PTPRM: variants seen among roughly 807,000 people sequenced by gnomAD.
PTPRM encodes the protein receptor-type tyrosine-protein phosphatase mu.
In PTPRM, 47 loss-of-function variants were observed where a neutral mutation model predicts 186.7. The observed-to-expected ratio is 0.25, with a 90% confidence interval of 0.20 to 0.32. The LOEUF (loss-of-function observed/expected upper bound fraction) is 0.32. Among genes scored for constraint, PTPRM ranks in the 10% least tolerant of loss-of-function variants. The pLI is 1.00. For missense variants in PTPRM, 1,494 were observed against 1,865.0 expected (o/e 0.80, Z 3.66); for synonymous variants, 668 against 674.9 (o/e 0.99, Z 0.16).
rs139743456 is a variant in PTPRM at position 7,879,300 on chromosome 18, T to A, written c.197-8806T>A. On this transcript the variant is annotated intron_variant, in intron 2 of 32. Transcript: ENST00000580170. ...GATTGATGGTCCTAAATCCATAAAG[T>A]TTACAGCCACTTCTGGTTGTTACTT... 9.5e-4 allele frequency among the ~76,000 whole-genome samples: 145 copies of A among 152,312 alleles called. 1 individual carries two copies. The highest frequency in any genetic ancestry group is 2.5e-3 in the African/African-American group (106 of 41,584).
At chr18:8,003,833 C>G (rs185992330) in intron 7 of PTPRM, among the ~76,000 whole-genome samples, 4 of 152,318 alleles carry the variant, frequency 2.6e-5, no homozygotes, top group Admixed American at 2.6e-4. Context: ...CTAGTGTTGC[C>G]TCTTGGCCTT....
intron 4 of PTPRM, among the ~76,000 whole-genome samples, chr18:7,920,187 A>G (rs1339387616): frequency 1.3e-5 from 2 of 152,106 alleles, no homozygotes; most frequent in Non-Finnish European, 2.9e-5. Context: ...CTCCATTTAC[A>G]TTCAATGTCA....
intron 1 of PTPRM, among the ~76,000 whole-genome samples, chr18:7,693,309 C>A (rs1265718918): frequency 6.6e-6 from 1 of 152,170 alleles, no homozygotes; most frequent in Non-Finnish European, 1.5e-5. Context: ...AAGAGCTGTT[C>A]TTATCCACTG....
At chr18:7,764,017 A>G (rs1011001947) in intron 1 of PTPRM, among the ~76,000 whole-genome samples, 31 of 151,870 alleles carry the variant, frequency 2.0e-4, no homozygotes, top group African/African-American at 7.5e-4. Flanking sequence ...TCTACCTAAG[A>G]TATCTCTTCT....
intron 1 of PTPRM, among the ~76,000 whole-genome samples, chr18:7,730,529 G>T (rs1221833352): frequency 6.6e-6 from 1 of 152,104 alleles, no homozygotes; most frequent in Non-Finnish European, 1.5e-5. Context: ...GTTACCTAAA[G>T]GCCAAATGAT....
At chr18:8,027,178 C>T (rs1328776365) in intron 7 of PTPRM, among the ~76,000 whole-genome samples, 1 of 152,164 alleles carries the variant, frequency 6.6e-6, no homozygotes, top group South Asian at 2.1e-4. Context: ...TAACAAAGAA[C>T]TATAAAATAC....
chr18:8,337,191 C>G (rs944924358), intron 22 of PTPRM, among the ~76,000 whole-genome samples: 1 of 151,990 alleles, frequency 6.6e-6, no homozygotes, highest in Non-Finnish European at 1.5e-5. Context: ...GTATGCATAG[C>G]TCAGTTTGAG....
chr18:8,163,826 G>C (rs975847848), intron 14 of PTPRM, among the ~76,000 whole-genome samples: 1 of 152,166 alleles, frequency 6.6e-6, no homozygotes, highest in African/African-American at 2.4e-5. Context: ...TAAATACCAT[G>C]TGTTCTATGA....
intron 2 of PTPRM, among the ~76,000 whole-genome samples, chr18:7,834,773 A>T (rs4798601): frequency 0.51 from 77,559 of 151,430 alleles, 22,007 homozygotes; most frequent in East Asian, 0.76. Context: ...TTTTTATTAC[A>T]ACTTCAATCC....
At chr18:8,040,222 T>C (rs929491858) in intron 7 of PTPRM, among the ~76,000 whole-genome samples, 94 of 152,278 alleles carry the variant, frequency 6.2e-4, no homozygotes, top group African/African-American at 2.2e-3. Flanking sequence ...CTACCACATA[T>C]CTATGCTTGT....
chr18:7,625,665 G>A (rs1158537522), intron 1 of PTPRM, among the ~76,000 whole-genome samples: 1 of 152,104 alleles, frequency 6.6e-6, no homozygotes, highest in Non-Finnish European at 1.5e-5. Context: ...CTCCTGAGTA[G>A]CTGGGATTAC....
chr18:7,819,960 GC>G (rs768455210), intron 2 of PTPRM, among the ~76,000 whole-genome samples: 1 of 152,354 alleles, frequency 6.6e-6, no homozygotes, highest in Non-Finnish European at 1.5e-5. Context: ...GCAGCCAGGA[GC>G]CATTGAAGTG....
At chr18:7,624,495 T>C (rs1329234377) in intron 1 of PTPRM, among the ~76,000 whole-genome samples, 1 of 150,342 alleles carries the variant, frequency 6.7e-6, no homozygotes, top group Non-Finnish European at 1.5e-5. Context: ...AGATTCTGCT[T>C]TTTTTTTTGG....
At chr18:7,803,705 T>C (rs910927023) in intron 2 of PTPRM, among the ~76,000 whole-genome samples, 8 of 152,124 alleles carry the variant, frequency 5.3e-5, no homozygotes, top group Non-Finnish European at 1.2e-4. Flanking sequence ...AAAAATGTGA[T>C]TGAATTTCAT....
intron 14 of PTPRM, among the ~76,000 whole-genome samples, chr18:8,219,565 G>C (rs1202273889): frequency 2.6e-5 from 4 of 152,162 alleles, no homozygotes; most frequent in Non-Finnish European, 5.9e-5. Flanking sequence ...TCAGATTACA[G>C]TTTTCTACAT....
intron 23 of PTPRM, chr18:8,366,947 A>G (rs1156512628): frequency 2.6e-5 from 4 of 152,224 alleles, no homozygotes; most frequent in Non-Finnish European, 5.9e-5. Context: ...GCGCACGATC[A>G]GAGCAGGGAC....
chr18:8,226,836 A>G (rs1349834106), intron 14 of PTPRM, among the ~76,000 whole-genome samples: 1 of 152,184 alleles, frequency 6.6e-6, no homozygotes, highest in Non-Finnish European at 1.5e-5. Flanking sequence ...TGGGACTCTA[A>G]GAGAGAATTC....
rs147956355 is a variant in PTPRM, at chr18:7,847,918, C to T, written c.197-40188C>T. Among the ~76,000 whole-genome samples, 30 of 152,224 alleles carry T rather than the reference C, an allele frequency of 2.0e-4. No individual in the cohort carries two copies. In the East Asian group the frequency reaches 4.6e-3, roughly 24 times the overall value. ...AGGGAGTGGACACTAAGCACACAGC[C>T]GGTATTTTCTGTCACAGAAGAGGAA... is the stretch of plus-strand genomic sequence containing the variant. On this transcript the variant is annotated intron_variant, in intron 2 of 32. Coordinates refer to ENST00000580170, the MANE Select transcript of PTPRM (RefSeq NM_001105244.2).
chr18:7,894,005 A>T (rs542601496), intron 3 of PTPRM, among the ~76,000 whole-genome samples: 10 of 152,272 alleles, frequency 6.6e-5, no homozygotes, highest in African/African-American at 2.4e-4. Flanking sequence ...AAAAGCCTGG[A>T]CAAAAAACAA....
Sources: gnomAD v4.1 joint callset for allele counts (sites outside exome capture counted in the v4.1 genomes callset) on GRCh38, gnomAD v4.1.1 for gene constraint, MANE v1.5 for transcripts, NCBI Gene and HGNC (gene_info 2026-07-23, HGNC 2026-07-21) for gene names.